Variants in ZNF257 observed in about 807,000 individuals in gnomAD.
ZNF257 encodes bone marrow zinc finger 4.
ZNF257 carries 12 observed loss-of-function variants against 11.9 expected under a neutral mutation model. The observed-to-expected ratio is 1.01, with a 90% CI of 0.65 to 1.63. ZNF257 has a LOEUF of 1.63. ZNF257 is among the 40% of genes most tolerant of loss of function. ZNF257 has a pLI of 0.00. For missense variants in ZNF257, 580 were observed against 665.5 expected, an observed-to-expected ratio of 0.87 and a Z score of 1.41; for synonymous variants, 183 against 222.7, an observed-to-expected ratio of 0.82 and a Z score of 1.59.
At chr19:22,059,582 T>C (rs58547465) in intron 1 of ZNF257, among the ~76,000 whole-genome samples, 5,498 of 151,110 alleles carry the variant, frequency 0.036, 354 homozygotes, top group African/African-American at 0.13. Context: ...ATTAGTTTTC[T>C]AAGAATACTG....
At chr19:22,067,013 G>C (rs2021965780) in intron 1 of ZNF257, among the ~76,000 whole-genome samples, 1 of 151,772 alleles carries the variant, frequency 6.6e-6, no homozygotes, top group South Asian at 2.1e-4. Flanking sequence ...TACCAGACAT[G>C]ATATAAACAC....
Position 22,091,110 on chromosome 19 carries a change from GATT to G in ZNF257, c.*1672_*1674del, listed in dbSNP as rs1271324662. On this transcript the variant is annotated 3_prime_UTR_variant, in exon 4 of 4. Coordinates refer to ENST00000594947, the MANE Select transcript of ZNF257 (RefSeq NM_033468.4). ...AATGCAGTACATTTTAAAATTTTTAGATTATTTGTGGACTTAATTTATAATTAA... is the reference window on the plus strand; with the variant it reads ...AATGCAGTACATTTTAAAATTTTTAGATTTGTGGACTTAATTTATAATTAA... 6.6e-6 allele frequency: 1 copy of G among 152,042 alleles called. No individual in the cohort carries two copies. Among genetic ancestry groups the G allele is most frequent in the African/African-American group, 2.4e-5 (1 of 41,368 alleles). The allele number at this position is 152,042 out of a possible 1,614,324, so 9.4% of individuals were successfully genotyped here. A position where few individuals can be genotyped will look rare whatever the true frequency, so the allele number is the denominator to read the frequency against.
intron 3 of ZNF257, among the ~76,000 whole-genome samples, chr19:22,081,407 T>C (rs2022358198): frequency 6.6e-6 from 1 of 151,890 alleles, no homozygotes; most frequent in Admixed American, 6.6e-5. Context: ...GGAATATAGA[T>C]TTTTTTCATT....
rs368738613 is a variant in ZNF257, at chr19:22,089,278, A to G, written c.1528A>G (p.Thr510Ala). 3 of 1,613,916 alleles carry G rather than the reference A, an allele frequency of 1.9e-6. No individual in the cohort carries two copies. Residue 510 changes from threonine (T) to alanine (A), a missense_variant, in exon 4 of 4, where the codon ACT (threonine) becomes GCT (alanine). Physicochemically the swap from Thr to Ala is moderately conservative, Grantham distance 58 (BLOSUM62 0). Coordinates refer to ENST00000594947, the MANE Select transcript of ZNF257 (RefSeq NM_033468.4). ...CCTTTCTCAACATAAGATAATTCAT[A>G]CTGGAGAGAAACCCTACAAATGTGA... ...SHLSQHKIIH[T>A]GEKPYKCEEC...
At chr19:22,077,557 T>C (rs2022256073) in intron 3 of ZNF257, among the ~76,000 whole-genome samples, 1 of 152,166 alleles carries the variant, frequency 6.6e-6, no homozygotes, top group Non-Finnish European at 1.5e-5. Context: ...GTTACTGGCT[T>C]ATTTCAGGTG....
chr19:22,061,162 T>C (rs1440207324), intron 1 of ZNF257, among the ~76,000 whole-genome samples: 1 of 152,144 alleles, frequency 6.6e-6, no homozygotes, highest in Non-Finnish European at 1.5e-5. Context: ...CTGTTAAGAA[T>C]GTTTTTGGTA....
At chr19:22,062,131 C>T (rs1005273415) in intron 1 of ZNF257, among the ~76,000 whole-genome samples, 1 of 148,046 alleles carries the variant, frequency 6.8e-6, no homozygotes, top group Admixed American at 6.8e-5. Flanking sequence ...CATGGTGTTG[C>T]CTCACTGCAA....
rs1426703179 is a variant in ZNF257 at position 22,090,174 on chromosome 19, C to T, written c.*732C>T. The T allele has an allele frequency of 6.6e-6, 1 of 152,050 alleles. No homozygotes were observed. The highest frequency in any genetic ancestry group is 1.5e-5 in the Non-Finnish European group (1 of 67,992). The allele number at this position is 152,050 out of a possible 1,614,324, so 9.4% of individuals were successfully genotyped here. ...CATATTACACATCAGAGAGTTCATA[C>T]TTAATAAAAGTATTATAAATACAAT... On this transcript the variant is annotated 3_prime_UTR_variant, in exon 4 of 4. Coordinates refer to ENST00000594947, the MANE Select transcript of ZNF257 (RefSeq NM_033468.4).
chr19:22,052,690 G>C (rs1479107625), intron 1 of ZNF257, 55 bp downstream of exon 1: 3 of 1,593,292 alleles, frequency 1.9e-6, no homozygotes, highest in African/African-American at 2.7e-5. Flanking sequence ...GTTGGAACCT[G>C]TGGGAAGTCG....
chr19:22,081,098 C>T (rs1009166969), intron 3 of ZNF257, among the ~76,000 whole-genome samples: 27 of 151,774 alleles, frequency 1.8e-4, no homozygotes, highest in Non-Finnish European at 2.8e-4. Flanking sequence ...AGCATTGTCT[C>T]GAACTCCTGA....
chr19:22,081,466 T>G (rs1288265520), intron 3 of ZNF257, among the ~76,000 whole-genome samples: 1 of 152,110 alleles, frequency 6.6e-6, no homozygotes, highest in African/African-American at 2.4e-5. Context: ...ATCTCTTGTA[T>G]GCAGCATATT....
chr19:22,061,593 T>C (rs1399664228), intron 1 of ZNF257, among the ~76,000 whole-genome samples: 1 of 151,858 alleles, frequency 6.6e-6, no homozygotes, highest in Non-Finnish European at 1.5e-5. Flanking sequence ...CAAAGATCGT[T>C]TGACAACCTC....
intron 3 of ZNF257, among the ~76,000 whole-genome samples, chr19:22,080,250 G>A (rs1422587326): frequency 6.6e-6 from 1 of 152,134 alleles, no homozygotes; most frequent in African/African-American, 2.4e-5. Context: ...AAAGTGTTGG[G>A]GTTATAGGCA....
rs190160095 is a variant in ZNF257, at chr19:22,056,209, T to C, written c.3+3574T>C. 1.7e-3 allele frequency among the ~76,000 whole-genome samples: 254 copies of C among 152,256 alleles called. 1 individual carries two copies. Among genetic ancestry groups the C allele is most frequent in the African/African-American group, 5.9e-3 (245 of 41,536 alleles). The stretch of plus-strand genomic sequence containing the variant: ...TCTCGTGCCTGTAATCTTAGCACTT[T>C]GGGAGGCCGAGGTGGGTGGATCACC... On this transcript the variant is annotated intron_variant, in intron 1 of 3. Transcript: ENST00000594947.
chr19:22,084,251 C>A (rs1234188486), intron 3 of ZNF257, among the ~76,000 whole-genome samples: 3 of 151,752 alleles, frequency 2.0e-5, no homozygotes, highest in African/African-American at 7.3e-5. Context: ...TATTGGCTTT[C>A]CGTAACAATG....
rs371455680 is a variant in ZNF257, at chr19:22,081,595, G to A, written c.227-6382G>A. Among the ~76,000 whole-genome samples the A allele has an allele frequency of 5.9e-5, 9 of 152,062 alleles. No individual in the cohort carries two copies. The East Asian group carries it at 1.5e-3, about 26-fold the overall frequency. ...CCAGGCTGGTTTGCAGTGGTTTAATGATGGCTCACAGCAGCTTCAGCCTCC... is the reference window on the plus strand; with the variant it reads ...CCAGGCTGGTTTGCAGTGGTTTAATAATGGCTCACAGCAGCTTCAGCCTCC... On this transcript the variant is annotated intron_variant, in intron 3 of 3. Coordinates refer to ENST00000594947, the MANE Select transcript of ZNF257 (RefSeq NM_033468.4).
intron 1 of ZNF257, among the ~76,000 whole-genome samples, 154 bp downstream of exon 1, chr19:22,052,789 C>CA (rs937496449): frequency 3.9e-5 from 6 of 152,122 alleles, no homozygotes; most frequent in Admixed American, 2.6e-4. Context: ...CCCCCTCAGC[C>CA]ATAAGATGGC....
chr19:22,054,298 A>G (rs966562780), intron 1 of ZNF257, among the ~76,000 whole-genome samples: 1 of 151,808 alleles, frequency 6.6e-6, no homozygotes, highest in Non-Finnish European at 1.5e-5. Flanking sequence ...TCGAACTCCT[A>G]ACCTCAGGTG....
chr19:22,074,396 G>A (rs2145704767), intron 3 of ZNF257: 1 of 152,048 alleles, frequency 6.6e-6, no homozygotes, highest in Non-Finnish European at 1.5e-5. Context: ...TTCTTGCCCA[G>A]ACTGAAGTGC....
Sources: gnomAD v4.1 joint callset for allele counts (sites outside exome capture counted in the v4.1 genomes callset) on GRCh38, gnomAD v4.1.1 for gene constraint, MANE v1.5 for transcripts, NCBI Gene and HGNC (gene_info 2026-07-23, HGNC 2026-07-21) for gene names.